Variants in STAG2 observed in about 807,000 individuals in gnomAD.
STAG2 encodes cohesin subunit SA-2.
In STAG2, 14 loss-of-function variants were observed where a neutral mutation model predicts 108.1. The ratio of observed to expected loss-of-function variants is 0.13; its 90% CI spans 0.09 to 0.20. The LOEUF (loss-of-function observed/expected upper bound fraction) is 0.20. Ranked by LOEUF, STAG2 falls within the 10% of genes least tolerant of loss-of-function variation. The probability of loss-of-function intolerance (pLI) is 1.00; values close to 1 mark genes in which losing one functional copy is unlikely to be tolerated. For missense variants in STAG2, 440 were observed against 940.9 expected, an observed-to-expected ratio of 0.47 and a Z score of 6.96; for synonymous variants, 307 against 302.7, an observed-to-expected ratio of 1.01 and a Z score of -0.15.
At chrX:124,065,082 C>T (rs945472378) in intron 20 of STAG2, among the ~76,000 whole-genome samples, 1 of 110,793 alleles carries the variant, frequency 9.0e-6, no homozygotes, top group Admixed American at 9.6e-5. Flanking sequence ...ATTGTTATTC[C>T]GGGCTTATTA....
At chrX:124,009,067 G>A (rs1272584491) in intron 1 of STAG2, among the ~76,000 whole-genome samples, 3 of 111,217 alleles carry the variant, frequency 2.7e-5, no homozygotes, top group Non-Finnish European at 5.7e-5. Flanking sequence ...AAACAAAAAC[G>A]TTAGCTCTAA....
At chrX:124,093,617 T>C (rs1318830469) in intron 32 of STAG2, among the ~76,000 whole-genome samples, 1 of 110,317 alleles carries the variant, frequency 9.1e-6, no homozygotes, top group Non-Finnish European at 1.9e-5. Context: ...ATTAGCATTA[T>C]ATATTGATGA....
chrX:124,070,934 G>A (rs180862542), intron 24 of STAG2, among the ~76,000 whole-genome samples: 1 of 111,706 alleles, frequency 9.0e-6, no homozygotes, highest in African/African-American at 3.2e-5. Context: ...TTTGCAGTTA[G>A]TAAAGCCTTA....
chrX:123,979,788 A>G (rs1291111810), intron 1 of STAG2, among the ~76,000 whole-genome samples: 1 of 111,482 alleles, frequency 9.0e-6, no homozygotes, highest in Non-Finnish European at 1.9e-5. Context: ...TTGAGTGACC[A>G]TTTATAGTGT....
At position 124,076,421 on chromosome X, in the gene STAG2, A is replaced by T; in HGVS notation, c.2623A>T (p.Thr875Ser). The change falls in exon 26 of 35, where the codon ACT becomes TCT. Residue 875 changes from threonine (T) to serine (S), a missense_variant. By Grantham distance (58) the Thr-to-Ser change is moderately conservative (BLOSUM62 1). Coordinates refer to ENST00000371145, the MANE Select transcript of STAG2 (RefSeq NM_001042750.2). ...LAAFCKLIVYTVVEMNTAADI... is the reference protein window; with the variant it reads ...LAAFCKLIVYSVVEMNTAADI... ...AGCATTTTGTAAGCTAATTGTATAT[A>T]CTGTGGTGGAGATGAATACAGCTGC... 1 of 1,204,555 alleles carries T rather than the reference A, an allele frequency of 8.3e-7. No homozygotes were observed.
At chrX:124,099,518 G>A (rs754257245) in intron 34 of STAG2, among the ~76,000 whole-genome samples, 3 of 111,253 alleles carry the variant, frequency 2.7e-5, no homozygotes, top group South Asian at 7.6e-4. Context: ...GAAATTGGGT[G>A]CACGAGTCCT....
At chrX:124,048,982 A>G (rs1302877791) in intron 9 of STAG2, 23 bp from the exon 10 acceptor site, 1 of 1,157,309 alleles carries the variant, frequency 8.6e-7, no homozygotes, top group South Asian at 1.8e-5. Flanking sequence ...ACAATTGAAA[A>G]GAAATGATGT....
intron 1 of STAG2, among the ~76,000 whole-genome samples, chrX:123,971,884 C>G (rs1212791846): frequency 8.9e-6 from 1 of 112,021 alleles, no homozygotes; most frequent in Non-Finnish European, 1.9e-5. Flanking sequence ...AGTTTAGAGA[C>G]TTTTGAAGGT....
Position 124,000,141 on chromosome X carries a change from ATAT to A in STAG2, c.-162-21224_-162-21222del, listed in dbSNP as rs199986418. ...CCACGTACAGCATGATCGTCCTATA[ATAT>A]TGTAATGGAGCTAAAAATTCCTTTC... On this transcript the variant is annotated intron_variant, in intron 1 of 34. Coordinates refer to ENST00000371145, the MANE Select transcript of STAG2 (RefSeq NM_001042750.2). 8.4e-4 allele frequency among the ~76,000 whole-genome samples: 93 copies of A among 110,219 alleles called. No homozygotes were observed. The East Asian group carries it at 0.019, about 22-fold the overall frequency.
chrX:124,017,453 G>C (rs2056771179), intron 1 of STAG2, among the ~76,000 whole-genome samples: 1 of 110,951 alleles, frequency 9.0e-6, no homozygotes, highest in African/African-American at 3.3e-5. Flanking sequence ...CTCGTGATCT[G>C]CCCGCCTCAG....
chrX:124,030,106 T>A (rs1254984100), intron 4 of STAG2, among the ~76,000 whole-genome samples: 2 of 111,659 alleles, frequency 1.8e-5, no homozygotes, highest in Non-Finnish European at 3.8e-5. Context: ...CTCCTAATGT[T>A]CAGAATTCCT....
At chrX:124,063,265 A>G (rs2058433170) in intron 19 of STAG2, 60 bp downstream of exon 19, 2 of 870,540 alleles carry the variant, frequency 2.3e-6, no homozygotes, top group Admixed American at 6.5e-5. Context: ...ATTATATCAT[A>G]GCGTTTGTTT....
intron 14 of STAG2, among the ~76,000 whole-genome samples, chrX:124,057,310 G>A (rs2058235740): frequency 8.9e-6 from 1 of 111,841 alleles, no homozygotes; most frequent in Admixed American, 9.5e-5. Context: ...TAAAATGCCT[G>A]TTGGGGGTGC....
In STAG2 at chrX:124,071,219, T is replaced by C; in HGVS notation, c.2429T>C (p.Leu810Ser). 1 of 1,205,765 alleles carries C rather than the reference T, an allele frequency of 8.3e-7. No individual in the cohort carries two copies. The highest frequency in any genetic ancestry group is 1.1e-6 in the Non-Finnish European group (1 of 892,845). ...ATTATGTCAGGAGGGCGTGACATGT[T>C]AGAGCCATTAGTGTATACCCCTGAT... ...HQIMSGGRDMLEPLVYTPDSS... is the reference protein window; with the variant it reads ...HQIMSGGRDMSEPLVYTPDSS... Residue 810 changes from leucine (L) to serine (S), a missense_variant, in exon 25 of 35, where the codon TTA becomes TCA. Leu to Ser is a moderately radical substitution (Grantham distance 145). Around this residue, in one of 3 missense-constraint regions of STAG2, gnomAD observed 337 missense variants for 649.3 expected, o/e 0.52. Transcript: ENST00000371145.
chrX:123,992,254 C>T (rs1238525467), intron 1 of STAG2, among the ~76,000 whole-genome samples: 2 of 111,135 alleles, frequency 1.8e-5, no homozygotes, highest in Non-Finnish European at 3.8e-5. Context: ...TGGTGTATGT[C>T]ACCTCTGAAG....
chrX:124,060,061 A>G (rs1212041198), intron 15 of STAG2, among the ~76,000 whole-genome samples: 1 of 111,195 alleles, frequency 9.0e-6, no homozygotes, highest in African/African-American at 3.3e-5. Flanking sequence ...TTTTTTGTAT[A>G]ATGATTATGA....
intron 1 of STAG2, among the ~76,000 whole-genome samples, chrX:123,980,409 C>T (rs189170599): frequency 9.0e-6 from 1 of 111,442 alleles, no homozygotes; most frequent in East Asian, 2.8e-4. Flanking sequence ...GATAATGTAG[C>T]ATACAATCCA....
At chrX:124,041,365 C>T (rs1431278306) in intron 6 of STAG2, among the ~76,000 whole-genome samples, 2 of 109,696 alleles carry the variant, frequency 1.8e-5, no homozygotes, top group Admixed American at 9.8e-5. Context: ...TAGCCTAAGC[C>T]TTAGTTTCCT....
chrX:124,073,193 C>T (rs1308112188), intron 25 of STAG2, among the ~76,000 whole-genome samples: 1 of 111,426 alleles, frequency 9.0e-6, no homozygotes, highest in Admixed American at 9.6e-5. Context: ...CTTTATAAAA[C>T]GTCTTTTTTT....
Sources: allele counts gnomAD v4.1 joint callset (sites outside exome capture counted in the v4.1 genomes callset), GRCh38; gene constraint gnomAD v4.1.1; regional missense constraint gnomAD v4.1.1; transcripts MANE v1.5; gene names NCBI Gene and HGNC (gene_info 2026-07-23, HGNC 2026-07-21).